JAZF1: variants seen among roughly 807,000 people sequenced by gnomAD.
The protein encoded by JAZF1 is JAZF zinc finger 1, also known as juxtaposed with another zinc finger protein 1.
JAZF1 carries 8 observed loss-of-function variants against 26.4 expected under a neutral mutation model. That is an observed-to-expected ratio of 0.30 (90% CI 0.18 to 0.55). The LOEUF (loss-of-function observed/expected upper bound fraction) is 0.55. JAZF1 is among the 20% of genes least tolerant of loss of function. The pLI is 0.94. For missense variants in JAZF1, 199 were observed against 322.0 expected (o/e 0.62, Z 2.92); for synonymous variants, 126 against 122.3 (o/e 1.03, Z -0.20).
chr7:27,972,948 T>C (rs974261454), intron 2 of JAZF1, among the ~76,000 whole-genome samples: 4 of 130,110 alleles, frequency 3.1e-5, no homozygotes, highest in African/African-American at 1.0e-4. Flanking sequence ...TGTGTGTGTA[T>C]ATATACACAC....
chr7:27,844,791 A>G, intron 3 of JAZF1, among the ~76,000 whole-genome samples: 1 of 152,206 alleles, frequency 6.6e-6, no homozygotes, highest in Non-Finnish European at 1.5e-5. Flanking sequence ...TGGGGCTCCA[A>G]CGGGGCACAT....
intron 1 of JAZF1, among the ~76,000 whole-genome samples, chr7:28,128,122 T>C (rs1026302365): frequency 1.4e-4 from 21 of 152,144 alleles, no homozygotes; most frequent in African/African-American, 4.8e-4. Context: ...AGAATCAGGT[T>C]GTAGATGTGA....
At chr7:28,124,378 C>T (rs182616333) in intron 1 of JAZF1, among the ~76,000 whole-genome samples, 2 of 152,330 alleles carry the variant, frequency 1.3e-5, no homozygotes, top group Admixed American at 1.3e-4. Context: ...CGCCAACTGG[C>T]CTGTGATACT....
At chr7:27,998,529 A>G (rs1051034976) in intron 1 of JAZF1, among the ~76,000 whole-genome samples, 2 of 152,194 alleles carry the variant, frequency 1.3e-5, no homozygotes, top group African/African-American at 4.8e-5. Flanking sequence ...ACTTTTCCTT[A>G]GTTTATAGAC....
At chr7:27,916,385 T>C (rs1181637844) in intron 2 of JAZF1, among the ~76,000 whole-genome samples, 1 of 152,222 alleles carries the variant, frequency 6.6e-6, no homozygotes, top group Non-Finnish European at 1.5e-5. Context: ...TAGTGTATAC[T>C]GAACCATTGC....
intron 3 of JAZF1, chr7:27,841,704 T>C (rs1404949807): frequency 6.6e-6 from 1 of 152,206 alleles, no homozygotes; most frequent in African/African-American, 2.4e-5. Flanking sequence ...ACTGACTTCT[T>C]TGCAAGACGG....
chr7:27,923,525 T>C (rs1026026563), intron 2 of JAZF1, among the ~76,000 whole-genome samples: 6 of 152,202 alleles, frequency 3.9e-5, no homozygotes. Context: ...TATCTCCTAC[T>C]GGGAGGCTGT....
At chr7:27,929,960 C>CTCTCT (rs57607641) in intron 2 of JAZF1, among the ~76,000 whole-genome samples, 4 of 146,440 alleles carry the variant, frequency 2.7e-5, no homozygotes, top group Admixed American at 6.8e-5. Context: ...CTCTCTCTCT[C>CTCTCT]CCCCTCTCTC....
chr7:27,955,383 C>A (rs966563088), intron 2 of JAZF1, among the ~76,000 whole-genome samples: 1 of 152,148 alleles, frequency 6.6e-6, no homozygotes, highest in Non-Finnish European at 1.5e-5. Flanking sequence ...CCTTTCCAAT[C>A]GAACTGCAAT....
At chr7:28,155,361 A>C (rs1783166334) in intron 1 of JAZF1, among the ~76,000 whole-genome samples, 1 of 152,218 alleles carries the variant, frequency 6.6e-6, no homozygotes, top group African/African-American at 2.4e-5. Context: ...GTCAAACCAA[A>C]TAATTCACTC....
chr7:27,996,189 T>A (rs953012190), intron 1 of JAZF1, among the ~76,000 whole-genome samples: 1 of 152,206 alleles, frequency 6.6e-6, no homozygotes, highest in Non-Finnish European at 1.5e-5. Flanking sequence ...TGGCTATGCT[T>A]TAGCTGGTCT....
intron 1 of JAZF1, among the ~76,000 whole-genome samples, chr7:28,121,530 G>A (rs76587488): frequency 0.042 from 6,438 of 152,162 alleles, 392 homozygotes; most frequent in African/African-American, 0.14. Flanking sequence ...TCCACTATTC[G>A]TATGACACTC....
chr7:27,990,174 T>C (rs1256822093), intron 2 of JAZF1, among the ~76,000 whole-genome samples: 1 of 152,136 alleles, frequency 6.6e-6, no homozygotes, highest in African/African-American at 2.4e-5. Context: ...CTGAGCAAAC[T>C]ATTGCAAGGA....
chr7:28,158,186 C>CACACAGAG (rs149643430), intron 1 of JAZF1, among the ~76,000 whole-genome samples: 3,168 of 143,372 alleles, frequency 0.022, 137 homozygotes, highest in East Asian at 0.15. Flanking sequence ...CACACACACA[C>CACACAGAG]AGAGAGAGAG....
intron 1 of JAZF1, among the ~76,000 whole-genome samples, chr7:28,074,109 A>G (rs1446422697): frequency 6.6e-6 from 1 of 152,156 alleles, no homozygotes; most frequent in Non-Finnish European, 1.5e-5. Flanking sequence ...CCTCATGTCT[A>G]CCTATGTGTT....
chr7:27,859,622 G>A lies in JAZF1; in HGVS notation c.386-18755C>T, dbSNP rs867762617. Among the ~76,000 whole-genome samples the A allele has an allele frequency of 3.9e-4, 59 of 150,914 alleles. 1 individual carries two copies. Among genetic ancestry groups the A allele is most frequent in the Middle Eastern group, 3.4e-3 (1 of 294 alleles). On this transcript the variant is annotated intron_variant, in intron 3 of 4. Coordinates refer to ENST00000283928, the MANE Select transcript of JAZF1 (RefSeq NM_175061.4). Reference sequence around the variant, plus strand: ...TTCTCAGCAAACTAACACAGGAACAGAAAACCAAACACCACATGTTCTCAC... The same window carrying A: ...TTCTCAGCAAACTAACACAGGAACAAAAAACCAAACACCACATGTTCTCAC...
chr7:28,117,453 CCTTT>C lies in JAZF1; in HGVS notation c.115+63006_115+63009del, dbSNP rs949233291. On this transcript the variant is annotated intron_variant, in intron 1 of 4. Transcript: ENST00000283928. The stretch of plus-strand genomic sequence containing the variant: ...TGAATTGCCTTTCTGATTTCTCCTT[CCTTT>C]CTTTCTTTGTCATAACTCTGTTGAA... Among the ~76,000 whole-genome samples, 14 of 152,140 alleles carry C rather than the reference CCTTT, an allele frequency of 9.2e-5. No homozygotes were observed. In the East Asian group the frequency reaches 1.2e-3, roughly 13 times the overall value.
chr7:28,045,904 C>T (rs921293640), intron 1 of JAZF1, among the ~76,000 whole-genome samples: 3 of 152,094 alleles, frequency 2.0e-5, no homozygotes, highest in African/African-American at 7.2e-5. Flanking sequence ...AAGCATTTTA[C>T]TGGCCTTAAA....
chr7:28,080,417 AC>A (rs1784116088), intron 1 of JAZF1, among the ~76,000 whole-genome samples: 1 of 152,208 alleles, frequency 6.6e-6, no homozygotes. Context: ...CTGGAGTAAC[AC>A]TTTTAATTTC....
Sources: gnomAD v4.1 joint callset for allele counts (sites outside exome capture counted in the v4.1 genomes callset) on GRCh38, gnomAD v4.1.1 for gene constraint, MANE v1.5 for transcripts, NCBI Gene and HGNC (gene_info 2026-07-23, HGNC 2026-07-21) for gene names.